The following ADGRL2 variants were observed in gnomAD, a reference collection of about 807,000 sequenced individuals.
The protein encoded by ADGRL2 is adhesion G protein-coupled receptor L2.
A neutral mutation model predicts 157.4 loss-of-function variants in ADGRL2; 44 were observed. The observed-to-expected ratio is 0.28, with a 90% CI of 0.22 to 0.36. ADGRL2 has a LOEUF of 0.36. ADGRL2 is among the 10% of genes least tolerant of loss of function. ADGRL2 has a pLI of 1.00. For missense variants in ADGRL2, 1,510 were observed against 1,768.9 expected, an observed-to-expected ratio of 0.85 and a Z score of 2.63; for synonymous variants, 585 against 624.7, an observed-to-expected ratio of 0.94 and a Z score of 0.95.
At chr1:81,650,373 C>T (rs2082391564) in intron 3 of ADGRL2, among the ~76,000 whole-genome samples, 1 of 146,056 alleles carries the variant, frequency 6.8e-6, no homozygotes, top group Non-Finnish European at 1.5e-5. Context: ...AGATCGAGAC[C>T]ATCCTGGCCA....
At chr1:81,721,444 T>C (rs2084316281) in intron 1 of ADGRL2, among the ~76,000 whole-genome samples, 1 of 152,162 alleles carries the variant, frequency 6.6e-6, no homozygotes, top group African/African-American at 2.4e-5. Context: ...AGAAATTTAT[T>C]GGCTTTTGTA....
At chr1:81,989,871 A>G in intron 23 of ADGRL2, 1 of 985,368 alleles carries the variant, frequency 1.0e-6, no homozygotes, top group Non-Finnish European at 1.2e-6. Flanking sequence ...AGGAAATGTT[A>G]GAATGTTGTT....
At chr1:81,770,977 C>G (rs2086346450) in intron 2 of ADGRL2, among the ~76,000 whole-genome samples, 1 of 152,010 alleles carries the variant, frequency 6.6e-6, no homozygotes, top group African/African-American at 2.4e-5. Flanking sequence ...ATTCTCAAAA[C>G]TTACGTGTAT....
At chr1:81,585,327 C>T (rs2081003123) in intron 3 of ADGRL2, among the ~76,000 whole-genome samples, 1 of 152,102 alleles carries the variant, frequency 6.6e-6, no homozygotes. Flanking sequence ...TTTAATAAGA[C>T]ATGGCTTTAG....
chr1:81,464,782 A>G (rs566674171), intron 2 of ADGRL2, among the ~76,000 whole-genome samples: 10 of 152,166 alleles, frequency 6.6e-5, no homozygotes, highest in African/African-American at 2.2e-4. Context: ...CCTCATTATC[A>G]TTTACCTTTA....
chr1:81,339,635 A>G (rs1291691684), intron 1 of ADGRL2, among the ~76,000 whole-genome samples: 1 of 151,768 alleles, frequency 6.6e-6, no homozygotes, highest in African/African-American at 2.4e-5. Flanking sequence ...TACTTATTTT[A>G]TGTTGTTTCC....
intron 3 of ADGRL2, among the ~76,000 whole-genome samples, chr1:81,668,111 A>G (rs1299075388): frequency 1.3e-5 from 2 of 152,182 alleles, no homozygotes; most frequent in Non-Finnish European, 2.9e-5. Flanking sequence ...TTCACCATGG[A>G]ATGAAGTATT....
At chr1:81,867,615 C>A (rs1290357350) in intron 2 of ADGRL2, among the ~76,000 whole-genome samples, 4 of 152,108 alleles carry the variant, frequency 2.6e-5, no homozygotes, top group African/African-American at 9.7e-5. Flanking sequence ...CTACAAACAT[C>A]AGATTTTTAA....
At chr1:81,411,310 G>T (rs1438866428) in intron 1 of ADGRL2, among the ~76,000 whole-genome samples, 1 of 152,200 alleles carries the variant, frequency 6.6e-6, no homozygotes, top group Non-Finnish European at 1.5e-5. Context: ...ACAAGCCTTA[G>T]ATTAGCCATT....
At chr1:81,851,768 G>GTGTGTGTA (rs1553168887) in intron 2 of ADGRL2, among the ~76,000 whole-genome samples, 2 of 150,538 alleles carry the variant, frequency 1.3e-5, no homozygotes, top group Non-Finnish European at 3.0e-5. Flanking sequence ...GTGTGTATGT[G>GTGTGTGTA]TATGTATTCT....
intron 1 of ADGRL2, among the ~76,000 whole-genome samples, chr1:81,812,184 A>T (rs1350423208): frequency 6.6e-6 from 1 of 151,858 alleles, no homozygotes; most frequent in Non-Finnish European, 1.5e-5. Context: ...CCACGTTTCA[A>T]ATATTTTTGC....
At chr1:81,712,345 T>G (rs914651975) in intron 1 of ADGRL2, among the ~76,000 whole-genome samples, 2 of 152,198 alleles carry the variant, frequency 1.3e-5, no homozygotes, top group Non-Finnish European at 2.9e-5. Context: ...AGAAATAAAT[T>G]CAAATCGGTC....
intron 1 of ADGRL2, among the ~76,000 whole-genome samples, chr1:81,826,686 A>G (rs1339765291): frequency 6.6e-6 from 1 of 152,176 alleles, no homozygotes; most frequent in Non-Finnish European, 1.5e-5. Flanking sequence ...GGAAGGGTGA[A>G]GGCACCATTT....
intron 2 of ADGRL2, among the ~76,000 whole-genome samples, chr1:81,485,201 G>T (rs2078474936): frequency 6.6e-6 from 1 of 151,134 alleles, no homozygotes. Context: ...AAGTTTACCT[G>T]TCTGAGTGGT....
chr1:81,353,336 A>C (rs140367017), intron 1 of ADGRL2, among the ~76,000 whole-genome samples: 34 of 152,266 alleles, frequency 2.2e-4, no homozygotes, highest in African/African-American at 7.9e-4. Context: ...TGAGCAGGTA[A>C]AGGCCACAAC....
intron 1 of ADGRL2, among the ~76,000 whole-genome samples, chr1:81,415,489 G>A (rs1271362260): frequency 1.3e-5 from 2 of 152,104 alleles, no homozygotes; most frequent in Admixed American, 1.3e-4. Context: ...GAAGAGAGGG[G>A]TCCCTAAAAA....
chr1:81,535,048 A>G (rs529767839), intron 2 of ADGRL2, among the ~76,000 whole-genome samples: 1 of 152,160 alleles, frequency 6.6e-6, no homozygotes, highest in East Asian at 1.9e-4. Context: ...GCTTTTTGGC[A>G]TCTCTGGATG....
chr1:81,873,059 A>C (rs2093740601), intron 2 of ADGRL2, among the ~76,000 whole-genome samples: 1 of 152,126 alleles, frequency 6.6e-6, no homozygotes, highest in Non-Finnish European at 1.5e-5. Flanking sequence ...ATGAAGTTAA[A>C]GCTCACATTT....
chr1:81,393,622 A>G (rs2076599125), intron 1 of ADGRL2, among the ~76,000 whole-genome samples: 1 of 152,166 alleles, frequency 6.6e-6, no homozygotes. Context: ...AATGAGAGGC[A>G]TATGTGAATC....
Sources: gnomAD v4.1 joint callset for allele counts (sites outside exome capture counted in the v4.1 genomes callset) on GRCh38, gnomAD v4.1.1 for gene constraint, MANE v1.5 for transcripts, NCBI Gene and HGNC (gene_info 2026-07-23, HGNC 2026-07-21) for gene names.